PTPRD: variants seen among roughly 807,000 people sequenced by gnomAD.
PTPRD encodes the protein protein tyrosine phosphatase receptor type D, also known as receptor-type tyrosine-protein phosphatase delta.
In PTPRD, 34 loss-of-function variants were observed where a neutral mutation model predicts 214.5. That is an observed-to-expected ratio of 0.16 (90% CI 0.12 to 0.21). PTPRD has a LOEUF of 0.21. Ranked by LOEUF, PTPRD falls within the 10% of genes least tolerant of loss-of-function variation. PTPRD has a pLI of 1.00. For synonymous variants in PTPRD, 1,128 were observed against 845.7 expected (o/e 1.33, Z -5.79); for missense variants, 2,545 against 2,398.7 (o/e 1.06, Z -1.27).
chr9:9,106,567 C>T lies in PTPRD; in HGVS notation c.-143+76737G>A, dbSNP rs28539857. Among the ~76,000 whole-genome samples the T allele has an allele frequency of 4.6e-3, 598 of 129,004 alleles. 5 individuals are homozygous for T. Among genetic ancestry groups the T allele is most frequent in the African/African-American group, 0.016 (556 of 33,990 alleles). 84.6% of individuals were successfully genotyped at this position (129,004 alleles called of 152,430 possible). A position where few individuals can be genotyped will look rare whatever the true frequency, so the allele number is the denominator to read the frequency against. On this transcript the variant is annotated intron_variant, in intron 10 of 45. Transcript: ENST00000381196. ...CAGAGAAGCTCCCACAAAAGGCAGC[C>T]GATGGAGGGGTGTTTATATTTGCTG... is the stretch of plus-strand genomic sequence containing the variant.
chr9:9,310,737 G>C (rs1468056207), intron 9 of PTPRD, among the ~76,000 whole-genome samples: 1 of 151,924 alleles, frequency 6.6e-6, no homozygotes, highest in Non-Finnish European at 1.5e-5. Flanking sequence ...GACCAACACG[G>C]AGAAATGCCG....
chr9:8,671,273 C>T (rs2097280305), intron 12 of PTPRD, among the ~76,000 whole-genome samples: 1 of 152,064 alleles, frequency 6.6e-6, no homozygotes, highest in South Asian at 2.1e-4. Flanking sequence ...CATCCCTAAA[C>T]TAATATTCAC....
At chr9:8,531,174 A>T (rs1485025262) in intron 14 of PTPRD, among the ~76,000 whole-genome samples, 1 of 152,108 alleles carries the variant, frequency 6.6e-6, no homozygotes, top group Admixed American at 6.6e-5. Flanking sequence ...ACAGTAGACA[A>T]GTGTCAGAAA....
intron 3 of PTPRD, among the ~76,000 whole-genome samples, chr9:10,066,420 A>C (rs1260153148): frequency 6.6e-6 from 1 of 151,866 alleles, no homozygotes; most frequent in Non-Finnish European, 1.5e-5. Context: ...GAAGCTATTA[A>C]TTATAATTTT....
intron 3 of PTPRD, among the ~76,000 whole-genome samples, chr9:10,209,217 G>A (rs969987729): frequency 6.6e-6 from 1 of 152,056 alleles, no homozygotes; most frequent in African/African-American, 2.4e-5. Context: ...TAATAGCAAG[G>A]ATTTGGAAAG....
At chr9:8,708,105 C>G (rs970083672) in intron 12 of PTPRD, among the ~76,000 whole-genome samples, 1 of 152,156 alleles carries the variant, frequency 6.6e-6, no homozygotes, top group African/African-American at 2.4e-5. Context: ...AAATCTCAAT[C>G]CAACAAAAAT....
chr9:10,175,045 T>C (rs986807550), intron 3 of PTPRD, among the ~76,000 whole-genome samples: 1 of 152,078 alleles, frequency 6.6e-6, no homozygotes, highest in Non-Finnish European at 1.5e-5. Context: ...TTTGCTAAGT[T>C]AGTGATGAAA....
At chr9:10,197,731 T>A (rs1035860859) in intron 3 of PTPRD, among the ~76,000 whole-genome samples, 2 of 152,064 alleles carry the variant, frequency 1.3e-5, no homozygotes, top group African/African-American at 4.8e-5. Flanking sequence ...AGGGGAAGGC[T>A]GAGATATGCA....
intron 10 of PTPRD, among the ~76,000 whole-genome samples, chr9:9,058,442 G>GATTTTTTTTTTTTTTTT (rs2099700363): frequency 1.4e-5 from 1 of 69,900 alleles, no homozygotes; most frequent in Non-Finnish European, 2.6e-5. Context: ...TATTATGAGG[G>GATTTTTTTTTTTTTTTT]TTTTTTTTTT....
chr9:9,095,675 A>G lies in PTPRD; in HGVS notation c.-142-76940T>C, dbSNP rs552590915. Among the ~76,000 whole-genome samples, 544 of 152,252 alleles carry G rather than the reference A, an allele frequency of 3.6e-3. 5 individuals are homozygous for G. The highest frequency in any genetic ancestry group is 2.8e-3 in the African/African-American group (116 of 41,552). ...TGTAGGAATGTAGATTGGGAGAACC[A>G]TTATGGAAAACAGTATGGAGGTTTC... On this transcript the variant is annotated intron_variant, in intron 10 of 45. Coordinates refer to ENST00000381196, the MANE Select transcript of PTPRD (RefSeq NM_002839.4).
intron 12 of PTPRD, among the ~76,000 whole-genome samples, chr9:8,675,944 C>A (rs1216858342): frequency 6.6e-6 from 1 of 152,122 alleles, no homozygotes; most frequent in Non-Finnish European, 1.5e-5. Context: ...GCTCCTGGTC[C>A]CTGACCTTCG....
chr9:8,320,023 T>G, intron 44 of PTPRD, 57 bp from the exon 45 acceptor site: 1 of 1,587,468 alleles, frequency 6.3e-7, no homozygotes, highest in Non-Finnish European at 8.6e-7. Context: ...CTTGGCCACA[T>G]TTGCTTGGGT....
chr9:9,946,172 G>A (rs1178627315), intron 4 of PTPRD, among the ~76,000 whole-genome samples: 4 of 141,394 alleles, frequency 2.8e-5, no homozygotes, highest in African/African-American at 1.1e-4. Flanking sequence ...AAGGCTTTGT[G>A]GTTTTCTTCT....
At chr9:8,495,322 T>G (rs1382960558) in intron 26 of PTPRD, among the ~76,000 whole-genome samples, 2 of 152,240 alleles carry the variant, frequency 1.3e-5, no homozygotes, top group African/African-American at 4.8e-5. Context: ...TCTTCCTCAG[T>G]TCTTAGCAAG....
intron 3 of PTPRD, among the ~76,000 whole-genome samples, chr9:10,138,636 G>A (rs186743745): frequency 1.0e-3 from 153 of 152,080 alleles, no homozygotes; most frequent in Middle Eastern, 3.4e-3. Context: ...GATAAGCATA[G>A]ACAAAACAAT....
At chr9:8,353,949 TATATATATATATA>T in intron 39 of PTPRD, among the ~76,000 whole-genome samples, 1 of 117,778 alleles carries the variant, frequency 8.5e-6, no homozygotes, top group Non-Finnish European at 1.9e-5. Flanking sequence ...TATATATATA[TATATATATATATA>T]TGTTTTTTTT....
At chr9:8,756,547 C>A (rs771304701) in intron 11 of PTPRD, among the ~76,000 whole-genome samples, 1 of 152,060 alleles carries the variant, frequency 6.6e-6, no homozygotes, top group Non-Finnish European at 1.5e-5. Flanking sequence ...ACAGTGTTTA[C>A]TTTTTGTAGG....
intron 11 of PTPRD, among the ~76,000 whole-genome samples, chr9:8,886,601 G>A (rs959351607): frequency 2.6e-5 from 4 of 152,128 alleles, no homozygotes; most frequent in African/African-American, 4.8e-5. Flanking sequence ...TAAAATGCAT[G>A]GTTTAAATAA....
At chr9:9,431,767 G>T (rs190571210) in intron 8 of PTPRD, among the ~76,000 whole-genome samples, 1 of 151,946 alleles carries the variant, frequency 6.6e-6, no homozygotes, top group East Asian at 1.9e-4. Flanking sequence ...GATGGATGAA[G>T]CTGGAAACCA....
Sources: allele counts gnomAD v4.1 joint callset (sites outside exome capture counted in the v4.1 genomes callset), GRCh38; gene constraint gnomAD v4.1.1; transcripts MANE v1.5; gene names NCBI Gene and HGNC (gene_info 2026-07-23, HGNC 2026-07-21).